ITGAE: variants seen among roughly 807,000 people sequenced by gnomAD.
ITGAE encodes the protein integrin subunit alpha E.
In ITGAE, 99 loss-of-function variants were observed where a neutral mutation model predicts 136.5. The observed-to-expected ratio is 0.73, with a 90% CI of 0.62 to 0.86. The LOEUF (loss-of-function observed/expected upper bound fraction) is 0.86, where lower values mean the gene tolerates loss of function less well. Among genes scored for constraint, ITGAE ranks in the 40% least tolerant of loss-of-function variants. The probability of loss-of-function intolerance (pLI) is 0.00; values close to 1 mark genes in which losing one functional copy is unlikely to be tolerated. For synonymous variants in ITGAE, 613 were observed against 591.8 expected (o/e 1.04, Z -0.52); for missense variants, 1,447 against 1,515.3 (o/e 0.95, Z 0.75).
At chr17:3,725,167 C>A in intron 26 of ITGAE, 1 of 1,614,196 alleles carries the variant, frequency 6.2e-7, no homozygotes, top group Non-Finnish European at 8.5e-7. Flanking sequence ...ACTGCCACTT[C>A]TCTCTCTGGA....
chr17:3,766,588 G>A (rs988991303), intron 2 of ITGAE, among the ~76,000 whole-genome samples: 14 of 152,006 alleles, frequency 9.2e-5, no homozygotes, highest in African/African-American at 3.4e-4. Flanking sequence ...GATCACCTGA[G>A]GTCAAGAGTT....
intron 20 of ITGAE, among the ~76,000 whole-genome samples, chr17:3,736,150 G>GA (rs912107500): frequency 1.1e-4 from 16 of 147,608 alleles, no homozygotes; most frequent in Non-Finnish European, 1.8e-4. Context: ...CTCAAAAAAA[G>GA]AAAAAAAAAA....
intron 1 of ITGAE, among the ~76,000 whole-genome samples, chr17:3,792,358 C>T (rs891448512): frequency 9.2e-5 from 14 of 152,168 alleles, no homozygotes; most frequent in African/African-American, 3.4e-4. Flanking sequence ...CTCAGGTGAT[C>T]CGCCCGCCTT....
intron 1 of ITGAE, among the ~76,000 whole-genome samples, chr17:3,795,978 CGTGTGTGCATCT>C (rs1379289158): frequency 3.3e-3 from 136 of 41,116 alleles, no homozygotes; most frequent in Non-Finnish European, 3.3e-3. Context: ...TGTGTGCATC[CGTGTGTGCATCT>C]GTGTGTGCAT....
At chr17:3,761,606 C>G (rs1260270232) in intron 4 of ITGAE, 86 bp from the exon 5 acceptor site, 1 of 1,251,376 alleles carries the variant, frequency 8.0e-7, no homozygotes, top group Non-Finnish European at 1.1e-6. Flanking sequence ...CATTCCAGAA[C>G]TCAGTGGCTC....
rs139590006 is a variant in ITGAE at position 3,714,733 on chromosome 17, C to T, written c.*114G>A. 3.3e-6 allele frequency: 2 copies of T among 602,356 alleles called. No individual in the cohort carries two copies. Among genetic ancestry groups the T allele is most frequent in the Non-Finnish European group, 5.9e-6 (2 of 340,882 alleles). The allele number at this position is 602,356 out of a possible 1,614,324, so 37.3% of individuals were successfully genotyped here. A position where few individuals can be genotyped will look rare whatever the true frequency, so the allele number is the denominator to read the frequency against. The stretch of plus-strand genomic sequence containing the variant: ...CAATGTATGGTTAAAAACTAATATT[C>T]TACCAACAGCTCCATGCTGCTCTAG... On this transcript the variant is annotated 3_prime_UTR_variant, in exon 31 of 31. Transcript: ENST00000263087.
At position 3,746,055 on chromosome 17, in the gene ITGAE, G is replaced by A. The variant is rs372899225; in HGVS notation, c.2156-128C>T. ...TGTCCCCATGCAGGTACTTCCCTGCGGCTGGACTCCTGCGTCGGTTTTTCA... is the reference window on the plus strand; with the variant it reads ...TGTCCCCATGCAGGTACTTCCCTGCAGCTGGACTCCTGCGTCGGTTTTTCA... On this transcript the variant is annotated intron_variant, in intron 17 of 30. Transcript: ENST00000263087. The A allele has an allele frequency of 3.6e-3, 2,858 of 794,528 alleles. 109 individuals carry two copies. The South Asian group carries it at 0.048, about 13-fold the overall frequency. The allele number at this position is 794,528 out of a possible 1,614,324, so 49.2% of individuals were successfully genotyped here.
At chr17:3,785,638 A>G (rs1452713586) in intron 1 of ITGAE, among the ~76,000 whole-genome samples, 1 of 152,162 alleles carries the variant, frequency 6.6e-6, no homozygotes, top group African/African-American at 2.4e-5. Flanking sequence ...TTACAGTGGA[A>G]TAGCAAATCA....
At chr17:3,725,055 C>G (rs1259240019) in intron 26 of ITGAE, 4 of 1,614,242 alleles carry the variant, frequency 2.5e-6, no homozygotes, top group South Asian at 2.2e-5. Flanking sequence ...GGACCTGACT[C>G]CTTTACAGAA....
At chr17:3,769,729 G>A (rs1222531847) in intron 2 of ITGAE, among the ~76,000 whole-genome samples, 1 of 152,190 alleles carries the variant, frequency 6.6e-6, no homozygotes, top group Non-Finnish European at 1.5e-5. Flanking sequence ...TGTCTCCCAG[G>A]CTGGAGTGCA....
intron 26 of ITGAE, chr17:3,726,586 G>A (rs1274379854): frequency 8.9e-6 from 4 of 449,294 alleles, no homozygotes; most frequent in Non-Finnish European, 1.2e-5. Context: ...CCAGCTACTC[G>A]GGAGGCTGAG....
intron 27 of ITGAE, 56 bp downstream of exon 27, chr17:3,723,632 G>A: frequency 6.7e-7 from 1 of 1,491,356 alleles, no homozygotes; most frequent in Non-Finnish European, 9.0e-7. Flanking sequence ...CTGGCCTCTC[G>A]TTACCCGCTT....
Position 3,717,044 on chromosome 17 carries a change from G to A in ITGAE, c.3334-246C>T, listed in dbSNP as rs189706106. Reference sequence around the variant, plus strand: ...CCCCTTATCTAGAAGGGCTAGGTCTGTCAGGAGATTATGACCTTCTGTTAA... The same window carrying A: ...CCCCTTATCTAGAAGGGCTAGGTCTATCAGGAGATTATGACCTTCTGTTAA... On this transcript the variant is annotated intron_variant, in intron 29 of 30. Transcript: ENST00000263087. The A allele has an allele frequency of 1.5e-3, 591 of 400,590 alleles. 6 individuals are homozygous for A. The highest frequency in any genetic ancestry group is 0.011 in the African/African-American group (555 of 49,080). 24.8% of individuals were successfully genotyped at this position (400,590 alleles called of 1,614,324 possible).
At chr17:3,728,366 C>A in intron 24 of ITGAE, 198 bp from the exon 25 acceptor site, 1 of 307,274 alleles carries the variant, frequency 3.3e-6, no homozygotes, top group Non-Finnish European at 5.9e-6. Context: ...CTACACTCAT[C>A]CCTTTTTTTT....
At chr17:3,794,290 T>A (rs141853435) in intron 1 of ITGAE, among the ~76,000 whole-genome samples, 28 of 152,242 alleles carry the variant, frequency 1.8e-4, no homozygotes, top group South Asian at 4.1e-4. Flanking sequence ...AATTTTTTTT[T>A]AAATTTTTTG....
chr17:3,766,245 C>T (rs552843016), intron 2 of ITGAE, among the ~76,000 whole-genome samples: 5 of 152,202 alleles, frequency 3.3e-5, no homozygotes, highest in African/African-American at 1.2e-4. Context: ...CAGAAGCCCC[C>T]AGGGCTGTCC....
chr17:3,734,105 C>G (rs1471027086), intron 21 of ITGAE, among the ~76,000 whole-genome samples: 2 of 152,216 alleles, frequency 1.3e-5, no homozygotes, highest in African/African-American at 2.4e-5. Context: ...GACTCTTGCT[C>G]TGTGGCCCAG....
At chr17:3,791,777 G>A (rs2052946066) in intron 1 of ITGAE, among the ~76,000 whole-genome samples, 1 of 152,142 alleles carries the variant, frequency 6.6e-6, no homozygotes, top group Admixed American at 6.5e-5. Flanking sequence ...GCTCCCAGAC[G>A]ATGCTCTCAC....
intron 1 of ITGAE, among the ~76,000 whole-genome samples, chr17:3,780,111 T>C (rs1032285198): frequency 5.3e-5 from 8 of 151,534 alleles, no homozygotes; most frequent in African/African-American, 7.3e-5. Context: ...GTAGCTGGGA[T>C]TACAGGCATG....
Sources: allele counts gnomAD v4.1 joint callset (sites outside exome capture counted in the v4.1 genomes callset), GRCh38; gene constraint gnomAD v4.1.1; transcripts MANE v1.5; gene names NCBI Gene and HGNC (gene_info 2026-07-23, HGNC 2026-07-21).